Variants in ARHGEF9 observed in about 807,000 individuals in gnomAD.
ARHGEF9 encodes the protein rho guanine nucleotide exchange factor 9.
Under a neutral mutation model 41.3 loss-of-function variants are expected in ARHGEF9, and 2 were observed. The observed-to-expected ratio is 0.05, with a 90% CI of 0.02 to 0.15. ARHGEF9 has a LOEUF of 0.15. Among genes scored for constraint, ARHGEF9 ranks in the 10% least tolerant of loss-of-function variants. The pLI is 1.00. For synonymous variants in ARHGEF9, 160 were observed against 154.4 expected (o/e 1.04, Z -0.27); for missense variants, 225 against 424.7 (o/e 0.53, Z 4.13).
At chrX:63,782,137 C>A (rs1343586579) in intron 1 of ARHGEF9, among the ~76,000 whole-genome samples, 1 of 111,474 alleles carries the variant, frequency 9.0e-6, no homozygotes, top group East Asian at 2.8e-4. Flanking sequence ...AACTTCACAA[C>A]CCCTAGAATA....
chrX:63,748,397 A>C (rs1247094496), intron 1 of ARHGEF9, among the ~76,000 whole-genome samples: 1 of 112,585 alleles, frequency 8.9e-6, no homozygotes, highest in African/African-American at 3.2e-5. Flanking sequence ...GTCCAACCAA[A>C]CAAATAGAAT....
intron 1 of ARHGEF9, among the ~76,000 whole-genome samples, chrX:63,781,230 T>C (rs1224227339): frequency 1.8e-5 from 2 of 112,086 alleles, no homozygotes; most frequent in Non-Finnish European, 3.8e-5. Flanking sequence ...GTACTGATTA[T>C]TACTGAAAAT....
chrX:63,645,361 A>G (rs1466663974), intron 8 of ARHGEF9, among the ~76,000 whole-genome samples: 2 of 110,551 alleles, frequency 1.8e-5, no homozygotes, highest in Non-Finnish European at 3.8e-5. Flanking sequence ...TATATCTCCT[A>G]ATGCTTTCCC....
intron 1 of ARHGEF9, chrX:63,754,441 A>T: frequency 2.6e-6 from 3 of 1,155,630 alleles, no homozygotes; most frequent in Non-Finnish European, 3.4e-6. Context: ...CTCGGGATGA[A>T]ATCAAAGCGA....
At chrX:63,693,070 A>G (rs1428884913) in intron 4 of ARHGEF9, among the ~76,000 whole-genome samples, 1 of 111,651 alleles carries the variant, frequency 9.0e-6, no homozygotes, top group African/African-American at 3.3e-5. Flanking sequence ...GGTTGTGGGG[A>G]GAGAAGGATG....
In ARHGEF9 at chrX:63,637,281, G is replaced by A. The variant is rs1253828627; in HGVS notation, c.*747C>T. On this transcript the variant is annotated 3_prime_UTR_variant, in exon 10 of 10. Transcript: ENST00000671741. ...CATAGTCTGATACTCCCTTGCTTCTGTTTGGTTTTTTGATCCCTTCACAGT... is the reference window on the plus strand; with the variant it reads ...CATAGTCTGATACTCCCTTGCTTCTATTTGGTTTTTTGATCCCTTCACAGT... 3.4e-6 allele frequency: 1 copy of A among 295,320 alleles called. No homozygotes were observed. The highest frequency in any genetic ancestry group is 5.9e-6 in the Non-Finnish European group (1 of 170,044). The allele number at this position is 295,320 out of a possible 1,213,427, so 24.3% of individuals were successfully genotyped here. A position where few individuals can be genotyped will look rare whatever the true frequency, so the allele number is the denominator to read the frequency against.
intron 4 of ARHGEF9, among the ~76,000 whole-genome samples, chrX:63,693,660 A>G (rs1602428303): frequency 9.2e-6 from 1 of 109,033 alleles, no homozygotes; most frequent in Non-Finnish European, 1.9e-5. Flanking sequence ...AGTAAATTAC[A>G]TATTAATTTT....
Position 63,723,310 on chromosome X carries a change from A to G in ARHGEF9, c.210+1222T>C, listed in dbSNP as rs1350506696. Among the ~76,000 whole-genome samples, 9 of 111,586 alleles carry G rather than the reference A, an allele frequency of 8.1e-5. No homozygotes were observed. The Admixed American group carries it at 8.5e-4, about 11-fold the overall frequency. On this transcript the variant is annotated intron_variant, in intron 2 of 9. Transcript: ENST00000671741. Reference sequence around the variant, plus strand: ...AGTTAAAAATCTTACCAAAAGCTATAGAGCTAGAAGGTAGTAAAACTGTAT... The same window carrying G: ...AGTTAAAAATCTTACCAAAAGCTATGGAGCTAGAAGGTAGTAAAACTGTAT...
chrX:63,657,376 T>C (rs1247995092), intron 7 of ARHGEF9: 2 of 111,853 alleles, frequency 1.8e-5, no homozygotes, highest in Non-Finnish European at 3.8e-5. Context: ...TCAGTTGGGC[T>C]GGGAAAGGCT....
intron 2 of ARHGEF9, among the ~76,000 whole-genome samples, chrX:63,722,410 G>GTTTTT (rs782226432): frequency 1.1e-5 from 1 of 89,381 alleles, no homozygotes; most frequent in African/African-American, 4.1e-5. Context: ...GTTGTTTTTT[G>GTTTTT]TTTTTTTTTT....
rs1602135147 is a variant in ARHGEF9, at chrX:63,635,283, A to G, written c.*2745T>C. 2.0e-6 allele frequency: 1 copy of G among 511,741 alleles called. No individual in the cohort carries two copies. The highest frequency in any genetic ancestry group is 3.5e-6 in the Non-Finnish European group (1 of 282,032). 42.2% of individuals were successfully genotyped at this position (511,741 alleles called of 1,213,427 possible). ...ATCCATTAGAAATATACACATAGAG[A>G]GGGGGGGAAAAAGAGAGAATAATTA... On this transcript the variant is annotated 3_prime_UTR_variant, in exon 10 of 10. Coordinates refer to ENST00000671741, the MANE Select transcript of ARHGEF9 (RefSeq NM_001353921.2).
chrX:63,767,082 C>A, intron 1 of ARHGEF9: 4 of 1,004,081 alleles, frequency 4.0e-6, no homozygotes, highest in African/African-American at 1.9e-5. Flanking sequence ...CTTTAACAAC[C>A]CTAAAGTTTA....
intron 1 of ARHGEF9, among the ~76,000 whole-genome samples, chrX:63,749,853 T>C (rs1166838179): frequency 4.5e-5 from 5 of 112,308 alleles, no homozygotes; most frequent in Non-Finnish European, 9.4e-5. Flanking sequence ...CTTTGTACTT[T>C]CGTGCTAGAG....
chrX:63,748,961 T>C (rs1338150374), intron 1 of ARHGEF9, among the ~76,000 whole-genome samples: 2 of 112,412 alleles, frequency 1.8e-5, no homozygotes, highest in African/African-American at 6.5e-5. Flanking sequence ...AGAAGAACAA[T>C]TGTATTAAAA....
At chrX:63,724,403 T>A (rs2053834848) in intron 2 of ARHGEF9, 129 bp downstream of exon 2, 1 of 791,473 alleles carries the variant, frequency 1.3e-6, no homozygotes, top group Non-Finnish European at 1.8e-6. Context: ...GAGACAATTT[T>A]AAAAAAAGGA....
intron 2 of ARHGEF9, chrX:63,719,667 C>T: frequency 3.4e-6 from 1 of 296,114 alleles, no homozygotes; most frequent in East Asian, 4.8e-5. Flanking sequence ...TTTGCTTATC[C>T]TCTTACCATT....
chrX:63,666,836 C>T (rs1316661739), intron 6 of ARHGEF9, among the ~76,000 whole-genome samples: 1 of 111,950 alleles, frequency 8.9e-6, no homozygotes, highest in African/African-American at 3.3e-5. Flanking sequence ...CAAATAGGCA[C>T]CAAGACACCT....
chrX:63,734,712 G>C (rs1377275879), intron 1 of ARHGEF9, among the ~76,000 whole-genome samples: 2 of 111,462 alleles, frequency 1.8e-5, no homozygotes, highest in Non-Finnish European at 3.8e-5. Context: ...AGCCTGCCTT[G>C]AGAGACTATT....
At chrX:63,767,028 A>G (rs1328320984) in intron 1 of ARHGEF9, 9 of 866,283 alleles carry the variant, frequency 1.0e-5, no homozygotes, top group Non-Finnish European at 1.5e-5. Context: ...TGTCTCTGGT[A>G]TTGAAGAGGT....
Sources: allele counts gnomAD v4.1 joint callset (sites outside exome capture counted in the v4.1 genomes callset), GRCh38; gene constraint gnomAD v4.1.1; transcripts MANE v1.5; gene names NCBI Gene and HGNC (gene_info 2026-07-23, HGNC 2026-07-21).